Variants in NEK1 observed in about 807,000 individuals in gnomAD.
The protein encoded by NEK1 is NIMA related kinase 1, also known as serine/threonine-protein kinase Nek1.
In NEK1, 137 loss-of-function variants were observed where a neutral mutation model predicts 182.1. The ratio of observed to expected loss-of-function variants is 0.75; its 90% CI spans 0.65 to 0.87. The LOEUF is 0.87. NEK1 is among the 40% of genes least tolerant of loss of function. The pLI is 0.00. For missense variants in NEK1, 1,391 were observed against 1,494.4 expected, an observed-to-expected ratio of 0.93 and a Z score of 1.14; for synonymous variants, 513 against 492.2, an observed-to-expected ratio of 1.04 and a Z score of -0.56.
chr4:169,476,394 G>C (rs1455632378), intron 26 of NEK1, among the ~76,000 whole-genome samples: 2 of 152,014 alleles, frequency 1.3e-5, no homozygotes, highest in African/African-American at 2.4e-5. Context: ...CTCCCTAAGG[G>C]GAGGGACTAC....
chr4:169,431,547 A>C (rs1737441594), intron 29 of NEK1, among the ~76,000 whole-genome samples: 1 of 152,140 alleles, frequency 6.6e-6, no homozygotes, highest in South Asian at 2.1e-4. Context: ...AATGTATACA[A>C]ACAGACTCAA....
chr4:169,482,740 G>A (rs910793317), intron 23 of NEK1, among the ~76,000 whole-genome samples: 4 of 151,846 alleles, frequency 2.6e-5, no homozygotes, highest in African/African-American at 9.7e-5. Context: ...GGATTTACAT[G>A]ATTCTCCTGC....
intron 27 of NEK1, among the ~76,000 whole-genome samples, chr4:169,457,945 G>A (rs1001778753): frequency 6.6e-6 from 1 of 151,840 alleles, no homozygotes; most frequent in African/African-American, 2.4e-5. Flanking sequence ...CAAACTTATG[G>A]ACAGGAAGCT....
At chr4:169,515,765 T>C (rs1042422854) in intron 19 of NEK1, among the ~76,000 whole-genome samples, 1 of 56,224 alleles carries the variant, frequency 1.8e-5, no homozygotes, top group African/African-American at 7.0e-5. Flanking sequence ...TGGTTTTTTG[T>C]TCTTGCGATA....
intron 2 of NEK1, 93 bp downstream of exon 2, chr4:169,611,927 T>C (rs1049420763): frequency 3.3e-5 from 5 of 152,194 alleles, no homozygotes; most frequent in Admixed American, 6.5e-5. Context: ...AAGGTATCTG[T>C]GTAATCTCAA....
At chr4:169,600,318 T>C (rs1213096751) in intron 4 of NEK1, among the ~76,000 whole-genome samples, 1 of 151,762 alleles carries the variant, frequency 6.6e-6, no homozygotes, top group Non-Finnish European at 1.5e-5. Context: ...GCTTCCAGAG[T>C]AGGTGGAACC....
intron 27 of NEK1, among the ~76,000 whole-genome samples, chr4:169,461,526 C>T (rs539083760): frequency 1.3e-4 from 20 of 152,132 alleles, no homozygotes; most frequent in Non-Finnish European, 2.8e-4. Flanking sequence ...GCTACCTCAG[C>T]TGTGGCCGCA....
At chr4:169,505,699 A>C (rs1326568993) in intron 23 of NEK1, among the ~76,000 whole-genome samples, 2 of 152,264 alleles carry the variant, frequency 1.3e-5, no homozygotes. Context: ...AACTGTTGTT[A>C]CTATGATGTA....
chr4:169,511,291 A>G (rs1754138326), intron 19 of NEK1, among the ~76,000 whole-genome samples: 1 of 152,044 alleles, frequency 6.6e-6, no homozygotes, highest in Non-Finnish European at 1.5e-5. Context: ...TGAGATATAT[A>G]TAGGTCAAAG....
intron 18 of NEK1, 119 bp downstream of exon 18, chr4:169,555,601 G>T: frequency 7.4e-7 from 1 of 1,351,512 alleles, no homozygotes. Context: ...TACCCAAGAG[G>T]CAAAAAACAT....
At chr4:169,470,979 T>A (rs981183224) in intron 26 of NEK1, among the ~76,000 whole-genome samples, 7 of 152,230 alleles carry the variant, frequency 4.6e-5, no homozygotes, top group African/African-American at 1.7e-4. Flanking sequence ...CATCAGGTAA[T>A]TTATGTTGTT....
chr4:169,565,852 G>C (rs1323368754), intron 12 of NEK1, among the ~76,000 whole-genome samples: 1 of 152,144 alleles, frequency 6.6e-6, no homozygotes, highest in East Asian at 1.9e-4. Flanking sequence ...TTCCCTTGGG[G>C]TGATAAAAAT....
chr4:169,602,126 A>G, intron 3 of NEK1, 22 bp from the exon 4 acceptor site: 1 of 1,534,228 alleles, frequency 6.5e-7, no homozygotes, highest in African/African-American at 1.4e-5. Context: ...GGAAAAAGAA[A>G]ATAGTAAATG....
chr4:169,570,407 T>TG (rs1381190980), intron 12 of NEK1, among the ~76,000 whole-genome samples: 2 of 139,796 alleles, frequency 1.4e-5, no homozygotes, highest in East Asian at 2.2e-4. Flanking sequence ...AGAGGGAGGT[T>TG]GGGGGGTCAG....
rs13151656 is a variant in NEK1, at chr4:169,433,325, G to C, written c.2885+220C>G. On this transcript the variant is annotated intron_variant, in intron 29 of 35. Coordinates refer to ENST00000507142, the MANE Select transcript of NEK1 (RefSeq NM_001199397.3). ...TCTGCCCGCCTCAGTCTCCCAAATT[G>C]CTGGGATTACAGGTGTGAGCCACTG... Among the ~76,000 whole-genome samples the C allele has an allele frequency of 0.71, 107,976 of 152,174 alleles. 40,987 individuals are homozygous for C. The highest frequency in any genetic ancestry group is 0.87 in the Middle Eastern group (255 of 294).
At chr4:169,591,112 T>C (rs968240876) in intron 5 of NEK1, among the ~76,000 whole-genome samples, 7 of 151,870 alleles carry the variant, frequency 4.6e-5, no homozygotes, top group African/African-American at 1.7e-4. Context: ...AGGTGATTCT[T>C]CTTTGTTTTT....
At chr4:169,497,539 C>G (rs1190914434) in intron 23 of NEK1, among the ~76,000 whole-genome samples, 1 of 152,156 alleles carries the variant, frequency 6.6e-6, no homozygotes, top group Non-Finnish European at 1.5e-5. Flanking sequence ...CTTGTGGGCA[C>G]TTAGTGCTAT....
intron 19 of NEK1, among the ~76,000 whole-genome samples, chr4:169,512,426 T>C (rs1754343094): frequency 6.6e-6 from 1 of 152,136 alleles, no homozygotes; most frequent in Non-Finnish European, 1.5e-5. Context: ...TGAAATGTTT[T>C]GTATAAATTT....
At chr4:169,582,010 C>T (rs889093928) in intron 10 of NEK1, among the ~76,000 whole-genome samples, 1 of 152,024 alleles carries the variant, frequency 6.6e-6, no homozygotes, top group Non-Finnish European at 1.5e-5. Context: ...AAATCAGGAA[C>T]AAAAATCATT....
Sources: allele counts gnomAD v4.1 joint callset (sites outside exome capture counted in the v4.1 genomes callset), GRCh38; gene constraint gnomAD v4.1.1; transcripts MANE v1.5; gene names NCBI Gene and HGNC (gene_info 2026-07-23, HGNC 2026-07-21).